The following CHODL variants were observed in gnomAD, a reference collection of about 807,000 sequenced individuals.
The protein encoded by CHODL is chondrolectin.
In CHODL, 29 loss-of-function variants were observed where a neutral mutation model predicts 34.5. That is an observed-to-expected ratio of 0.84 (90% CI 0.63 to 1.15). CHODL has a LOEUF of 1.15. Among genes scored for constraint, CHODL ranks in the 50% most tolerant of loss-of-function variants. CHODL has a pLI of 0.00. For missense variants in CHODL, 332 were observed against 332.5 expected, an observed-to-expected ratio of 1.00 and a Z score of 0.01; for synonymous variants, 125 against 116.1, an observed-to-expected ratio of 1.08 and a Z score of -0.49.
At chr21:17,920,726 C>A (rs148605159) in intron 1 of CHODL, among the ~76,000 whole-genome samples, 1 of 152,180 alleles carries the variant, frequency 6.6e-6, no homozygotes. Flanking sequence ...GGATTAGCTG[C>A]AGTCAGTAGA....
chr21:18,037,647 T>C (rs1381764099), intron 2 of CHODL, among the ~76,000 whole-genome samples: 1 of 151,694 alleles, frequency 6.6e-6, no homozygotes, highest in Non-Finnish European at 1.5e-5. Context: ...TGATGGAGGA[T>C]CACTTGCAGA....
rs142122402 is a variant in CHODL, at chr21:17,920,732, G to C, written c.-145+3332G>C. On this transcript the variant is annotated intron_variant, in intron 1 of 6. Transcript: ENST00000400127. ...ATTGTATGAGGATTAGCTGCAGTCAGTAGAGAGTGAGATCTATCGGAGTAA... is the reference window on the plus strand; with the variant it reads ...ATTGTATGAGGATTAGCTGCAGTCACTAGAGAGTGAGATCTATCGGAGTAA... Among the ~76,000 whole-genome samples, 1,217 of 152,332 alleles carry C rather than the reference G, an allele frequency of 8.0e-3. 18 individuals are homozygous for C. The highest frequency in any genetic ancestry group is 0.027 in the African/African-American group (1,121 of 41,564).
chr21:17,995,261 C>T (rs1237191306), intron 1 of CHODL, among the ~76,000 whole-genome samples: 2 of 152,164 alleles, frequency 1.3e-5, no homozygotes, highest in Non-Finnish European at 2.9e-5. Flanking sequence ...AATGTCTTCT[C>T]ATGGATTCCA....
intron 2 of CHODL, among the ~76,000 whole-genome samples, chr21:18,134,494 T>C (rs1027990550): frequency 6.6e-6 from 1 of 152,214 alleles, no homozygotes; most frequent in Non-Finnish European, 1.5e-5. Context: ...GTATACAATA[T>C]AGGTAATATA....
chr21:17,981,746 T>A lies in CHODL; in HGVS notation c.-144-46126T>A, dbSNP rs553268497. ...CTCATATTAAACACCTTTTTCTGAG[T>A]GGCTAACTTACCTAGTTCCTATATA... On this transcript the variant is annotated intron_variant, in intron 1 of 6. Coordinates refer to the CHODL transcript ENST00000400127. Among the ~76,000 whole-genome samples, 311 of 152,270 alleles carry A rather than the reference T, an allele frequency of 2.0e-3. 3 individuals are homozygous for A. In the Middle Eastern group the frequency reaches 0.024, roughly 12 times the overall value.
At chr21:18,203,203 C>T (rs907576468) in intron 2 of CHODL, among the ~76,000 whole-genome samples, 15 of 152,064 alleles carry the variant, frequency 9.9e-5, no homozygotes, top group Admixed American at 2.6e-4. Context: ...ATAAAGTTTT[C>T]ATGATAAGGG....
intron 2 of CHODL, among the ~76,000 whole-genome samples, chr21:18,230,582 T>C (rs1380609718): frequency 6.6e-6 from 1 of 152,252 alleles, no homozygotes; most frequent in East Asian, 1.9e-4. Flanking sequence ...CATAATTTTT[T>C]ATGGAATATT....
intron 2 of CHODL, among the ~76,000 whole-genome samples, chr21:18,051,262 T>C (rs954684833): frequency 1.3e-5 from 2 of 152,016 alleles, no homozygotes; most frequent in African/African-American, 4.8e-5. Flanking sequence ...CGTGAACTCA[T>C]CCTTTTTTAT....
At chr21:18,261,272 T>A (rs186487333) in intron 4 of CHODL, among the ~76,000 whole-genome samples, 1 of 152,072 alleles carries the variant, frequency 6.6e-6, no homozygotes, top group East Asian at 1.9e-4. Flanking sequence ...AGGTGCCTGG[T>A]TTTAAAACCA....
intron 2 of CHODL, among the ~76,000 whole-genome samples, chr21:18,066,584 CAG>C (rs2064734818): frequency 1.3e-5 from 2 of 152,108 alleles, no homozygotes; most frequent in South Asian, 2.1e-4. Flanking sequence ...ATTACCCAAA[CAG>C]AAATATGCTG....
rs556388293 is a variant in CHODL at position 18,018,892 on chromosome 21, G to A, written c.-144-8980G>A. On this transcript the variant is annotated intron_variant, in intron 1 of 6. Transcript: ENST00000400127. ...AAATACTCTCAGATTTCCTGGAAGA[G>A]TCAACGAATAGGCACACACCTTGCT... is the stretch of plus-strand genomic sequence containing the variant. Among the ~76,000 whole-genome samples the A allele has an allele frequency of 2.0e-5, 3 of 152,310 alleles. No individual in the cohort carries two copies. The South Asian group carries it at 6.2e-4, about 32-fold the overall frequency.
At chr21:18,193,226 T>C (rs999675516) in intron 2 of CHODL, among the ~76,000 whole-genome samples, 2 of 152,190 alleles carry the variant, frequency 1.3e-5, no homozygotes, top group Non-Finnish European at 2.9e-5. Flanking sequence ...TGAATTATTA[T>C]ACTCATTATG....
At chr21:18,133,388 A>T in intron 2 of CHODL, among the ~76,000 whole-genome samples, 1 of 152,096 alleles carries the variant, frequency 6.6e-6, no homozygotes, top group Non-Finnish European at 1.5e-5. Flanking sequence ...TTCTTCTGAG[A>T]CCTTACATAT....
At chr21:18,219,632 A>C (rs1384458530) in intron 2 of CHODL, among the ~76,000 whole-genome samples, 2 of 152,090 alleles carry the variant, frequency 1.3e-5, no homozygotes, top group African/African-American at 4.8e-5. Context: ...AATTGGGATA[A>C]GTTTATGTCT....
intron 1 of CHODL, among the ~76,000 whole-genome samples, chr21:17,941,308 TTC>T (rs1491445122): frequency 4.1e-5 from 6 of 146,826 alleles, no homozygotes; most frequent in Admixed American, 2.0e-4. Flanking sequence ...TTTTTTTTTT[TTC>T]ATCCCTGGGC....
chr21:18,051,403 CTTT>C (rs555572070), intron 2 of CHODL, among the ~76,000 whole-genome samples: 1 of 138,568 alleles, frequency 7.2e-6, no homozygotes. Flanking sequence ...ACAGCTTTGT[CTTT>C]TTTTTTTTTT....
intron 2 of CHODL, among the ~76,000 whole-genome samples, chr21:18,219,683 A>G (rs898349450): frequency 1.3e-5 from 2 of 151,992 alleles, no homozygotes; most frequent in African/African-American, 2.4e-5. Context: ...TATTAGGGAT[A>G]TCCAGCATTT....
At chr21:18,101,339 G>A (rs145089904) in intron 2 of CHODL, among the ~76,000 whole-genome samples, 20 of 152,218 alleles carry the variant, frequency 1.3e-4, no homozygotes, top group African/African-American at 4.6e-4. Context: ...TCTCGAGTTT[G>A]TCTTTATCAG....
chr21:17,917,435 T>C (rs1286600000), intron 1 of CHODL: 4 of 152,146 alleles, frequency 2.6e-5, no homozygotes, highest in Admixed American at 2.6e-4. Flanking sequence ...ATCTATATCC[T>C]TATACTATTT....
Sources: allele counts gnomAD v4.1 joint callset (sites outside exome capture counted in the v4.1 genomes callset), GRCh38; gene constraint gnomAD v4.1.1; transcripts MANE v1.5; gene names NCBI Gene and HGNC (gene_info 2026-07-23, HGNC 2026-07-21).